Variants in BPTF observed in about 807,000 individuals in gnomAD.
The protein encoded by BPTF is bromodomain PHD finger transcription factor, also known as nucleosome-remodeling factor subunit BPTF.
A neutral mutation model predicts 292.5 loss-of-function variants in BPTF; 18 were observed. That is an observed-to-expected ratio of 0.06 (90% CI 0.04 to 0.09). BPTF has a LOEUF of 0.09. Ranked by LOEUF, BPTF falls within the 10% of genes least tolerant of loss-of-function variation. The probability of loss-of-function intolerance (pLI) is 1.00; values close to 1 mark genes in which losing one functional copy is unlikely to be tolerated. For synonymous variants in BPTF, 1,225 were observed against 1,251.9 expected (o/e 0.98, Z 0.45); for missense variants, 2,726 against 3,498.7 (o/e 0.78, Z 5.57).
At chr17:67,853,893 A>C in intron 1 of BPTF, 47 bp from the exon 2 acceptor site, 1 of 1,435,698 alleles carries the variant, frequency 7.0e-7, no homozygotes, top group Non-Finnish European at 9.5e-7. Context: ...ATTTGTAGAA[A>C]TGATGTAATG....
intron 24 of BPTF, among the ~76,000 whole-genome samples, chr17:67,962,546 A>G (rs1362816286): frequency 2.0e-5 from 3 of 152,224 alleles, no homozygotes; most frequent in Admixed American, 1.3e-4. Context: ...CTATCCTTGC[A>G]TCATTCTCCA....
chr17:67,855,676 G>A (rs1393674778), intron 2 of BPTF, among the ~76,000 whole-genome samples: 2 of 152,180 alleles, frequency 1.3e-5, no homozygotes, highest in African/African-American at 4.8e-5. Flanking sequence ...GGGTTATAGT[G>A]TGGACTGAGT....
Position 67,825,698 on chromosome 17 carries a change from T to G in BPTF, c.-27T>G. 2.0e-6 allele frequency: 2 copies of G among 1,004,658 alleles called. No homozygotes were observed. Among genetic ancestry groups the G allele is most frequent in the Non-Finnish European group, 2.4e-6 (2 of 833,560 alleles). The allele number at this position is 1,004,658 out of a possible 1,614,324, so 62.2% of individuals were successfully genotyped here. ...TGCGCCCGCCCCTCCCCCTTCGCTT[T>G]CCTTCTCCCCCCGCCTCGGCTCCGA... On this transcript the variant is annotated 5_prime_UTR_variant, in exon 1 of 28. Transcript: ENST00000306378.
intron 3 of BPTF, among the ~76,000 whole-genome samples, chr17:67,868,520 A>G (rs1361811927): frequency 2.5e-4 from 38 of 152,112 alleles, no homozygotes; most frequent in Admixed American, 2.4e-3. Context: ...TGTATTTTCA[A>G]TTTGAGGGTG....
chr17:67,924,913 T>C (rs568543251), intron 15 of BPTF, among the ~76,000 whole-genome samples: 96 of 152,158 alleles, frequency 6.3e-4, no homozygotes, highest in African/African-American at 2.3e-3. Context: ...CATGCCCAGC[T>C]AATATTTGTA....
intron 11 of BPTF, among the ~76,000 whole-genome samples, chr17:67,916,136 AT>A (rs1217755637): frequency 1.3e-5 from 2 of 152,128 alleles, no homozygotes; most frequent in Non-Finnish European, 2.9e-5. Context: ...TTCCCCTCTG[AT>A]TTCCCCTTGA....
At chr17:67,831,111 A>T (rs1384606238) in intron 1 of BPTF, among the ~76,000 whole-genome samples, 2 of 152,156 alleles carry the variant, frequency 1.3e-5, no homozygotes, top group African/African-American at 4.8e-5. Context: ...CACGAAGTAT[A>T]GCTTAGATTC....
At chr17:67,973,943 G>A (rs1555692462) in intron 26 of BPTF, 1 of 151,624 alleles carries the variant, frequency 6.6e-6, no homozygotes, top group African/African-American at 2.4e-5. Context: ...TGTTCTGCAT[G>A]CTGCCACACT....
rs2067778354 is a variant in BPTF, at chr17:67,964,113, T to C, written c.8262-99T>C. 13 of 1,184,858 alleles carry C rather than the reference T, an allele frequency of 1.1e-5. 1 individual carries two copies. The South Asian group carries it at 1.7e-4, about 16-fold the overall frequency. The allele number at this position is 1,184,858 out of a possible 1,614,324, so 73.4% of individuals were successfully genotyped here. ...TTAAAACCATAATACTAAAACTATT[T>C]TATATCCCAGGGTTTAGCAAATTTT... is the stretch of plus-strand genomic sequence containing the variant. On this transcript the variant is annotated intron_variant, in intron 24 of 27. Coordinates refer to ENST00000306378, the MANE Select transcript of BPTF (RefSeq NM_182641.4).
rs1555683174 is a variant in BPTF, at chr17:67,959,886, C to G, written c.8261+11C>G. On this transcript the variant is annotated intron_variant, in intron 24 of 27. Transcript: ENST00000306378. ...TTATGATGAATCTAAGTGAGTAGAT[C>G]TTTTTGAGCTCTAGTTTTTTGTCTT... is the stretch of plus-strand genomic sequence containing the variant. 1 of 1,492,352 alleles carries G rather than the reference C, an allele frequency of 6.7e-7. No homozygotes were observed. The highest frequency in any genetic ancestry group is 8.9e-7 in the Non-Finnish European group (1 of 1,117,336). The allele number at this position is 1,492,352 out of a possible 1,614,324, so 92.4% of individuals were successfully genotyped here. A position where few individuals can be genotyped will look rare whatever the true frequency, so the allele number is the denominator to read the frequency against.
chr17:67,874,806 A>G lies in BPTF; in HGVS notation c.1661-11A>G. ...TAGGAATAATTTTTTTGTTTGTTTT[A>G]CACATTATAGAAGAAATTTTGGAAT... On this transcript the variant is annotated splice_polypyrimidine_tract_variant and intron_variant, in intron 3 of 27. Transcript: ENST00000306378. The G allele has an allele frequency of 6.3e-7, 1 of 1,584,426 alleles. No homozygotes were observed. Among genetic ancestry groups the G allele is most frequent in the Non-Finnish European group, 8.6e-7 (1 of 1,163,402 alleles).
intron 4 of BPTF, among the ~76,000 whole-genome samples, chr17:67,876,935 T>C (rs2060085744): frequency 6.6e-6 from 1 of 152,212 alleles, no homozygotes; most frequent in South Asian, 2.1e-4. Context: ...TTTGGGTCAT[T>C]AGCAGGGTGA....
chr17:67,931,857 A>G (rs2064419244), intron 17 of BPTF, 54 bp from the exon 18 acceptor site: 2 of 1,360,428 alleles, frequency 1.5e-6, no homozygotes, highest in South Asian at 1.2e-5. Context: ...TAAGTCCATT[A>G]TACTTTAATC....
intron 2 of BPTF, among the ~76,000 whole-genome samples, chr17:67,856,592 T>A (rs1452111596): frequency 6.6e-6 from 1 of 152,098 alleles, no homozygotes; most frequent in Non-Finnish European, 1.5e-5. Context: ...ATTGGATGAT[T>A]TTCATTGTCT....
chr17:67,929,546 G>T, intron 17 of BPTF, 59 bp downstream of exon 17: 1 of 1,543,248 alleles, frequency 6.5e-7, no homozygotes, highest in African/African-American at 1.4e-5. Context: ...ATTATTTTTA[G>T]AATGACTTCT....
chr17:67,960,029 C>A lies in BPTF; in HGVS notation c.8261+154C>A, dbSNP rs999402746. On this transcript the variant is annotated intron_variant, in intron 24 of 27. Coordinates refer to ENST00000306378, the MANE Select transcript of BPTF (RefSeq NM_182641.4). ...CATGGTCTTGCATGTGATATTCTTA[C>A]CATTGACGCTAGTAAAGTAAAATTT... 33 of 599,144 alleles carry A rather than the reference C, an allele frequency of 5.5e-5. No individual in the cohort carries two copies. In the South Asian group the frequency reaches 8.2e-4, roughly 15 times the overall value. The allele number at this position is 599,144 out of a possible 1,614,324, so 37.1% of individuals were successfully genotyped here.
chr17:67,851,919 CTTT>C (rs34000805), intron 1 of BPTF, among the ~76,000 whole-genome samples: 2 of 142,070 alleles, frequency 1.4e-5, no homozygotes, highest in Non-Finnish European at 1.6e-5. Flanking sequence ...GATTGGGGTC[CTTT>C]TTTTTTTTTA....
intron 23 of BPTF, 23 bp from the exon 24 acceptor site, chr17:67,959,518 G>A: frequency 6.7e-7 from 1 of 1,498,680 alleles, no homozygotes; most frequent in Non-Finnish European, 8.9e-7. Flanking sequence ...TGATAGTCTT[G>A]TATTGTCTTT....
intron 15 of BPTF, among the ~76,000 whole-genome samples, chr17:67,926,538 A>G (rs910160975): frequency 1.3e-5 from 2 of 151,536 alleles, no homozygotes; most frequent in Non-Finnish European, 2.9e-5. Flanking sequence ...GTTAGCCAGG[A>G]TGGTCTCGAT....
Sources: allele counts gnomAD v4.1 joint callset (sites outside exome capture counted in the v4.1 genomes callset), GRCh38; gene constraint gnomAD v4.1.1; transcripts MANE v1.5; gene names NCBI Gene and HGNC (gene_info 2026-07-23, HGNC 2026-07-21).